The following PRR16 variants were observed in gnomAD, a reference collection of about 807,000 sequenced individuals.
The protein encoded by PRR16 is proline rich 16, also known as protein Largen.
A neutral mutation model predicts 18.2 loss-of-function variants in PRR16; 6 were observed. The ratio of observed to expected loss-of-function variants is 0.33; its 90% CI spans 0.18 to 0.65. The LOEUF is 0.65. Ranked by LOEUF, PRR16 falls within the 30% of genes least tolerant of loss-of-function variation. The pLI is 0.74. For synonymous variants in PRR16, 151 were observed against 147.8 expected, an observed-to-expected ratio of 1.02 and a Z score of -0.16; for missense variants, 412 against 376.6, an observed-to-expected ratio of 1.09 and a Z score of -0.78.
At chr5:120,643,945 C>T (rs1755507350) in intron 1 of PRR16, among the ~76,000 whole-genome samples, 1 of 152,074 alleles carries the variant, frequency 6.6e-6, no homozygotes, top group African/African-American at 2.4e-5. Context: ...GTGGAGGTTG[C>T]AATGAGCTGA....
At chr5:120,791,620 TATCCATCC>T in the PRR16 span, among the ~76,000 whole-genome samples, 1 of 136,328 alleles carries the variant, frequency 7.3e-6, no homozygotes. Flanking sequence ...TCTATCTATC[TATCCATCC>T]ATCTATCATC....
chr5:120,487,796 G>A (rs1285639638), intron 1 of PRR16, among the ~76,000 whole-genome samples: 1 of 152,110 alleles, frequency 6.6e-6, no homozygotes, highest in African/African-American at 2.4e-5. Flanking sequence ...GTCATAGATA[G>A]CTCTTATTAT....
At chr5:120,755,179 T>C in the PRR16 span, among the ~76,000 whole-genome samples, 2 of 151,530 alleles carry the variant, frequency 1.3e-5, no homozygotes, top group Admixed American at 6.6e-5. Flanking sequence ...ACCCTAAAAC[T>C]TAGAGTATAA....
intron 1 of PRR16, among the ~76,000 whole-genome samples, chr5:120,641,042 A>G (rs1301958315): frequency 6.6e-6 from 1 of 152,110 alleles, no homozygotes; most frequent in Non-Finnish European, 1.5e-5. Context: ...AGAGCAGAGT[A>G]TGGGTGGGGA....
intron 1 of PRR16, among the ~76,000 whole-genome samples, chr5:120,600,474 C>T (rs1753946956): frequency 1.3e-5 from 2 of 151,806 alleles, no homozygotes; most frequent in Admixed American, 1.3e-4. Flanking sequence ...GAATATGAGA[C>T]CTGCTAAGAG....
chr5:120,777,681 G>C, the PRR16 span, among the ~76,000 whole-genome samples: 1 of 152,062 alleles, frequency 6.6e-6, no homozygotes, highest in Non-Finnish European at 1.5e-5. Flanking sequence ...GGACTAAAAA[G>C]AGGCCTTCTG....
At chr5:120,775,692 A>G in the PRR16 span, among the ~76,000 whole-genome samples, 1 of 145,680 alleles carries the variant, frequency 6.9e-6, no homozygotes, top group East Asian at 2.0e-4. Context: ...GTGCAATGGC[A>G]CATTCTCGGC....
chr5:120,624,812 G>A (rs1209801183), intron 1 of PRR16, among the ~76,000 whole-genome samples: 2 of 152,210 alleles, frequency 1.3e-5, no homozygotes, highest in Middle Eastern at 3.4e-3. Context: ...CCCACATGTT[G>A]TGGGAGGGAC....
chr5:120,485,152 A>G (rs1171207110), intron 1 of PRR16, among the ~76,000 whole-genome samples: 1 of 152,130 alleles, frequency 6.6e-6, no homozygotes, highest in Admixed American at 6.6e-5. Context: ...CTAATTTACA[A>G]TTATAATGAA....
chr5:120,493,107 A>T (rs1750121084), intron 1 of PRR16, among the ~76,000 whole-genome samples: 2 of 152,162 alleles, frequency 1.3e-5, no homozygotes, highest in African/African-American at 4.8e-5. Context: ...TGGTAGATCT[A>T]CTTTCAGTTT....
the PRR16 span, among the ~76,000 whole-genome samples, chr5:120,717,528 T>A: frequency 1.4e-4 from 1 of 6,902 alleles, no homozygotes; most frequent in African/African-American, 1.6e-4. Flanking sequence ...CCGTGTATCT[T>A]CAATTTATTT....
chr5:120,662,972 G>A (rs1756227721), intron 1 of PRR16, among the ~76,000 whole-genome samples: 1 of 152,136 alleles, frequency 6.6e-6, no homozygotes, highest in Non-Finnish European at 1.5e-5. Flanking sequence ...TGTGGGAAAT[G>A]TCTTTCTGTG....
the PRR16 span, among the ~76,000 whole-genome samples, chr5:120,757,195 T>C: frequency 1.3e-5 from 2 of 152,228 alleles, no homozygotes; most frequent in African/African-American, 4.8e-5. Flanking sequence ...TTTGTACCAC[T>C]ACCATGATGT....
At chr5:120,607,298 T>C (rs1754185319) in intron 1 of PRR16, among the ~76,000 whole-genome samples, 1 of 152,208 alleles carries the variant, frequency 6.6e-6, no homozygotes, top group Non-Finnish European at 1.5e-5. Context: ...GAGATCTTAG[T>C]GTTTGTTTTT....
intron 1 of PRR16, among the ~76,000 whole-genome samples, chr5:120,589,374 A>G (rs1753556002): frequency 6.6e-6 from 1 of 152,136 alleles, no homozygotes; most frequent in African/African-American, 2.4e-5. Flanking sequence ...AACATTTGCT[A>G]TAACATAGTT....
the PRR16 span, among the ~76,000 whole-genome samples, chr5:120,754,158 G>T: frequency 8.1e-3 from 140 of 17,334 alleles, 3 homozygotes; most frequent in African/African-American, 0.037. Flanking sequence ...ATATAAATAT[G>T]ATATATAAAT....
intron 1 of PRR16, among the ~76,000 whole-genome samples, chr5:120,595,230 C>G (rs188679738): frequency 1.3e-5 from 2 of 151,500 alleles, no homozygotes; most frequent in Non-Finnish European, 3.0e-5. Flanking sequence ...AGAAACTTAA[C>G]GAAATTTGCA....
At chr5:120,619,246 A>G (rs2112818100) in intron 1 of PRR16, among the ~76,000 whole-genome samples, 1 of 152,262 alleles carries the variant, frequency 6.6e-6, no homozygotes, top group South Asian at 2.1e-4. Flanking sequence ...TCTCTCAAAC[A>G]TAGTTCTAAT....
intron 1 of PRR16, among the ~76,000 whole-genome samples, chr5:120,527,080 T>G (rs1265400366): frequency 6.6e-6 from 1 of 152,160 alleles, no homozygotes; most frequent in Admixed American, 6.6e-5. Context: ...ATTTGACTCT[T>G]TTGGATACCT....
Sources: gnomAD v4.1 joint callset for allele counts (sites outside exome capture counted in the v4.1 genomes callset) on GRCh38, gnomAD v4.1.1 for gene constraint, MANE v1.5 for transcripts, NCBI Gene and HGNC (gene_info 2026-07-23, HGNC 2026-07-21) for gene names.